The following TRAK2 variants were observed in gnomAD, a reference collection of about 807,000 sequenced individuals.
TRAK2 encodes trafficking kinesin protein 2, also known as trafficking kinesin-binding protein 2.
A neutral mutation model predicts 104.6 loss-of-function variants in TRAK2; 81 were observed. The observed-to-expected ratio is 0.77, with a 90% CI of 0.65 to 0.93. The LOEUF is 0.93. TRAK2 is among the 40% of genes least tolerant of loss of function. TRAK2 has a pLI of 0.00. For synonymous variants in TRAK2, 406 were observed against 394.4 expected (o/e 1.03, Z -0.35); for missense variants, 1,002 against 1,089.0 (o/e 0.92, Z 1.12).
At chr2:201,417,241 C>CAAAAAAAAAAAAAAAAAAA (rs61702415) in intron 2 of TRAK2, among the ~76,000 whole-genome samples, 68 of 88,360 alleles carry the variant, frequency 7.7e-4, no homozygotes, top group Middle Eastern at 6.6e-3. Context: ...GAAGACATTG[C>CAAAAAAAAAAAAAAAAAAA]AAAAAAAAAA....
chr2:201,445,981 A>C (rs1951961323), intron 1 of TRAK2, among the ~76,000 whole-genome samples: 1 of 152,244 alleles, frequency 6.6e-6, no homozygotes, highest in African/African-American at 2.4e-5. Context: ...GTGAATGGAA[A>C]TTTTAAGAAG....
intron 6 of TRAK2, 134 bp downstream of exon 6, chr2:201,398,011 C>T (rs1472720145): frequency 3.7e-6 from 3 of 820,206 alleles, no homozygotes; most frequent in African/African-American, 3.4e-5. Flanking sequence ...AAAAATACAG[C>T]TCCTTGTCCA....
intron 1 of TRAK2, among the ~76,000 whole-genome samples, chr2:201,445,495 G>C (rs1951957826): frequency 6.6e-6 from 1 of 152,184 alleles, no homozygotes; most frequent in Non-Finnish European, 1.5e-5. Context: ...AGAAATCTAA[G>C]AAAATAAGAT....
rs772179623 is a variant in TRAK2, at chr2:201,447,888, C to G, written c.-200+3462G>C. Among the ~76,000 whole-genome samples the G allele has an allele frequency of 2.6e-5, 4 of 152,236 alleles. No individual in the cohort carries two copies. Among genetic ancestry groups the G allele is most frequent in the African/African-American group, 9.6e-5 (4 of 41,462 alleles). The stretch of plus-strand genomic sequence containing the variant: ...GTAACTTCAGTGTTCTTTCTCTGTG[C>G]TCCCAAAGTACCTCGGCAAGCTGTG... On this transcript the variant is annotated intron_variant, in intron 1 of 15. Coordinates refer to ENST00000332624, the MANE Select transcript of TRAK2 (RefSeq NM_015049.3). The surrounding 1 kb of genome is among the most constrained non-coding windows in gnomAD (Gnocchi z 4.1).
intron 2 of TRAK2, chr2:201,410,508 T>C (rs1041408394): frequency 1.9e-5 from 17 of 897,592 alleles, no homozygotes; most frequent in Non-Finnish European, 2.8e-5. Context: ...AGCTCACCCA[T>C]GATTGGAACT....
chr2:201,422,352 T>TA (rs1431784001), intron 1 of TRAK2, among the ~76,000 whole-genome samples: 1 of 152,154 alleles, frequency 6.6e-6, no homozygotes, highest in African/African-American at 2.4e-5. Context: ...TGTGCATACT[T>TA]AAAAAAATCA....
At chr2:201,432,261 TAC>T (rs1951848308) in intron 1 of TRAK2, among the ~76,000 whole-genome samples, 1 of 152,182 alleles carries the variant, frequency 6.6e-6, no homozygotes, top group Non-Finnish European at 1.5e-5. Flanking sequence ...ACCAAAAGCT[TAC>T]ACAGAGTCCT....
intron 3 of TRAK2, 77 bp from the exon 4 acceptor site, chr2:201,401,171 TAAC>T (rs1951547809): frequency 3.7e-6 from 3 of 802,884 alleles, no homozygotes; most frequent in Admixed American, 2.5e-5. Flanking sequence ...AATTGAGAGA[TAAC>T]AACAACAAAA....
At chr2:201,446,262 C>T (rs760463529) in intron 1 of TRAK2, among the ~76,000 whole-genome samples, 4 of 152,136 alleles carry the variant, frequency 2.6e-5, no homozygotes, top group South Asian at 4.2e-4. Context: ...TTCCTAGACA[C>T]ACCAGGAAAT....
intron 8 of TRAK2, 40 bp from the exon 9 acceptor site, chr2:201,394,912 G>C (rs1951487065): frequency 6.7e-7 from 1 of 1,487,886 alleles, no homozygotes; most frequent in Non-Finnish European, 9.3e-7. Context: ...GCCTTTCCAA[G>C]TAAAATATAG....
At chr2:201,390,558 C>A (rs1378350713) in intron 10 of TRAK2, among the ~76,000 whole-genome samples, 3 of 106,872 alleles carry the variant, frequency 2.8e-5, no homozygotes, top group Non-Finnish European at 2.0e-5. Flanking sequence ...AGCGAGACTC[C>A]GTCTCAAAAA....
At chr2:201,389,626 A>G (rs1951426529) in intron 11 of TRAK2, 123 bp from the exon 12 acceptor site, 2 of 1,120,692 alleles carry the variant, frequency 1.8e-6, no homozygotes, top group East Asian at 4.7e-5. Flanking sequence ...AGAAATCATC[A>G]GAAAATAAGC....
chr2:201,411,971 G>T, intron 2 of TRAK2: 1 of 948,172 alleles, frequency 1.1e-6, no homozygotes, highest in Non-Finnish European at 1.7e-6. Context: ...GTAAACCATG[G>T]GTAGAACACT....
intron 1 of TRAK2, among the ~76,000 whole-genome samples, chr2:201,445,156 C>T (rs893097890): frequency 2.6e-5 from 4 of 152,040 alleles, no homozygotes; most frequent in East Asian, 1.9e-4. Context: ...AACCACAATA[C>T]GGGGTAGTTA....
intron 7 of TRAK2, among the ~76,000 whole-genome samples, chr2:201,397,006 C>T (rs139969775): frequency 2.6e-5 from 4 of 152,272 alleles, no homozygotes; most frequent in Middle Eastern, 3.4e-3. Flanking sequence ...TATCTTTCTC[C>T]AGTGAAGCCA....
At chr2:201,416,226 TAAAA>T (rs11398184) in intron 2 of TRAK2, among the ~76,000 whole-genome samples, 3 of 90,882 alleles carry the variant, frequency 3.3e-5, no homozygotes, top group Admixed American at 1.3e-4. Flanking sequence ...GACTCTACAT[TAAAA>T]AAAAAAAAAA....
chr2:201,391,050 G>A (rs1311608027), intron 10 of TRAK2, among the ~76,000 whole-genome samples: 1 of 151,846 alleles, frequency 6.6e-6, no homozygotes, highest in African/African-American at 2.4e-5. Context: ...CTGCTGAGAG[G>A]GACTAGAAGC....
At chr2:201,412,906 A>T in intron 2 of TRAK2, 2 of 788,380 alleles carry the variant, frequency 2.5e-6, no homozygotes, top group South Asian at 2.7e-5. Context: ...AGGGAAAGGG[A>T]GATTTTCCCA....
intron 1 of TRAK2, among the ~76,000 whole-genome samples, chr2:201,434,248 C>T (rs1304059835): frequency 6.6e-6 from 1 of 152,140 alleles, no homozygotes; most frequent in African/African-American, 2.4e-5. Flanking sequence ...TGAGCCACTG[C>T]GCCCGGCCCA....
Sources: allele counts gnomAD v4.1 joint callset (sites outside exome capture counted in the v4.1 genomes callset), GRCh38; gene constraint gnomAD v4.1.1; non-coding constraint Gnocchi (gnomAD v3.1); transcripts MANE v1.5; gene names NCBI Gene and HGNC (gene_info 2026-07-23, HGNC 2026-07-21).